The following NBAS variants were observed in gnomAD, a reference collection of about 807,000 sequenced individuals.
NBAS encodes NAG/BC035112 fusion.
NBAS carries 219 observed loss-of-function variants against 302.5 expected under a neutral mutation model. That is an observed-to-expected ratio of 0.72 (90% confidence interval 0.65 to 0.81). The LOEUF is 0.81. Ranked by LOEUF, NBAS falls within the 30% of genes least tolerant of loss-of-function variation. The pLI, the probability that NBAS is intolerant of heterozygous loss-of-function variation, is 0.00. For missense variants in NBAS, 2,932 were observed against 2,841.6 expected, an observed-to-expected ratio of 1.03 and a Z score of -0.72; for synonymous variants, 1,118 against 1,021.6, an observed-to-expected ratio of 1.09 and a Z score of -1.80.
intron 48 of NBAS, among the ~76,000 whole-genome samples, chr2:15,207,033 C>T (rs369321231): frequency 2.0e-5 from 3 of 152,148 alleles, no homozygotes; most frequent in Non-Finnish European, 4.4e-5. Context: ...GGTAGATTCA[C>T]CTACAGCTTG....
intron 25 of NBAS, among the ~76,000 whole-genome samples, chr2:15,414,418 C>A (rs1000980283): frequency 6.6e-6 from 1 of 152,194 alleles, no homozygotes; most frequent in Admixed American, 6.5e-5. Flanking sequence ...TCAGCGCCTT[C>A]TGTGGCTCTG....
chr2:15,473,114 G>A, intron 16 of NBAS, 108 bp downstream of exon 16: 2 of 1,249,438 alleles, frequency 1.6e-6, no homozygotes, highest in East Asian at 2.5e-5. Flanking sequence ...TTCATTGGCT[G>A]TATTATAGAA....
the NBAS span, among the ~76,000 whole-genome samples, chr2:14,922,663 C>A: frequency 6.6e-6 from 1 of 152,184 alleles, no homozygotes; most frequent in Non-Finnish European, 1.5e-5. Context: ...GACCCTATCA[C>A]CAAATACAGT....
At chr2:15,494,660 A>T (rs981690506) in intron 11 of NBAS, among the ~76,000 whole-genome samples, 1 of 152,288 alleles carries the variant, frequency 6.6e-6, no homozygotes. Flanking sequence ...CTCCATCCAC[A>T]TTATATAAAT....
the NBAS span, among the ~76,000 whole-genome samples, chr2:15,090,781 T>C: frequency 1.3e-5 from 2 of 152,188 alleles, no homozygotes; most frequent in Admixed American, 6.5e-5. Flanking sequence ...AGGTCTTTAT[T>C]TGAAAGCTCT....
chr2:15,277,054 A>G lies in NBAS; in HGVS notation c.5186T>C (p.Phe1729Ser). The change falls in exon 43 of 52, where the codon TTT (phenylalanine) becomes TCT (serine). Residue 1729 changes from phenylalanine (F) to serine (S), a missense_variant. Coordinates refer to ENST00000281513, the MANE Select transcript of NBAS (RefSeq NM_015909.4). ...IENRAQDLHL[F>S]ETLKTDPEAF... ...TTCTGGATCAGTCTTCAAAGTCTCA[A>G]AGAGATGAAGGTCTTGGGCTCTATT... 6.2e-7 allele frequency: 1 copy of G among 1,613,802 alleles called. No individual in the cohort carries two copies. The highest frequency in any genetic ancestry group is 8.5e-7 in the Non-Finnish European group (1 of 1,179,892).
intron 21 of NBAS, among the ~76,000 whole-genome samples, chr2:15,443,002 C>T (rs1678516145): frequency 6.6e-6 from 1 of 151,982 alleles, no homozygotes; most frequent in South Asian, 2.1e-4. Context: ...GAAATTGTGG[C>T]AATAATCAAT....
At chr2:14,812,128 C>T in the NBAS span, among the ~76,000 whole-genome samples, 1 of 152,198 alleles carries the variant, frequency 6.6e-6, no homozygotes, top group African/African-American at 2.4e-5. Context: ...GTACTAGCCA[C>T]TAGTGCATAG....
At chr2:15,338,652 C>T (rs940962690) in intron 35 of NBAS, among the ~76,000 whole-genome samples, 2 of 145,728 alleles carry the variant, frequency 1.4e-5, no homozygotes, top group African/African-American at 5.1e-5. Context: ...CATGTGCACT[C>T]ACATGAATAC....
At chr2:15,238,739 T>C in intron 44 of NBAS, 53 bp from the exon 45 acceptor site, 2 of 1,490,808 alleles carry the variant, frequency 1.3e-6, no homozygotes, top group Non-Finnish European at 1.8e-6. Context: ...ACCTATTGCA[T>C]ATTCAGCAAG....
chr2:15,163,532 G>A (rs950256065), downstream of NBAS, among the ~76,000 whole-genome samples: 3 of 152,156 alleles, frequency 2.0e-5, no homozygotes, highest in African/African-American at 7.2e-5. Flanking sequence ...CATTTTCCTT[G>A]GGTGATTCTG....
intron 43 of NBAS, 107 bp from the exon 44 acceptor site, chr2:15,275,925 T>C (rs1401076730): frequency 2.1e-6 from 2 of 965,226 alleles, no homozygotes; most frequent in South Asian, 1.4e-5. Context: ...CGCAAAGATC[T>C]ATCAACTTAG....
chr2:15,543,470 CG>C lies in NBAS; in HGVS notation c.380-4115del, dbSNP rs535835093. On this transcript the variant is annotated intron_variant, in intron 6 of 51. Coordinates refer to ENST00000281513, the MANE Select transcript of NBAS (RefSeq NM_015909.4). ...CATACATTTGTTTGTTATATCAGTC[CG>C]TTTTCATGCTGTTGATAAGACATAT... Among the ~76,000 whole-genome samples, 58 of 152,256 alleles carry C rather than the reference CG, an allele frequency of 3.8e-4. No homozygotes were observed. In the East Asian group the frequency reaches 0.011, roughly 29 times the overall value.
intron 40 of NBAS, among the ~76,000 whole-genome samples, chr2:15,295,109 T>C (rs1036847826): frequency 9.9e-5 from 15 of 152,240 alleles, no homozygotes; most frequent in African/African-American, 3.6e-4. Flanking sequence ...ATACATGTAC[T>C]GGCAGAGTGG....
the NBAS span, among the ~76,000 whole-genome samples, chr2:14,894,069 T>C: frequency 6.6e-6 from 1 of 152,236 alleles, no homozygotes; most frequent in South Asian, 2.1e-4. Flanking sequence ...AAGTCTTACT[T>C]AGGAGTATAT....
chr2:14,838,082 G>A, the NBAS span, among the ~76,000 whole-genome samples: 2 of 151,750 alleles, frequency 1.3e-5, no homozygotes, highest in Non-Finnish European at 2.9e-5. Flanking sequence ...TATTTTGCCT[G>A]CTTGAGTTTC....
At chr2:15,212,677 G>C (rs577452534) in intron 48 of NBAS, among the ~76,000 whole-genome samples, 2 of 152,228 alleles carry the variant, frequency 1.3e-5, no homozygotes, top group Admixed American at 6.5e-5. Context: ...CTGAAGCATG[G>C]GGGGAGTTTC....
intron 31 of NBAS, among the ~76,000 whole-genome samples, chr2:15,368,163 C>T (rs1674304697): frequency 7.3e-6 from 1 of 137,292 alleles, no homozygotes; most frequent in Non-Finnish European, 1.6e-5. Context: ...TTGCTAAATA[C>T]TTCAGTGTGT....
At chr2:15,102,301 A>G in the NBAS span, among the ~76,000 whole-genome samples, 1 of 152,208 alleles carries the variant, frequency 6.6e-6, no homozygotes, top group Non-Finnish European at 1.5e-5. Context: ...GACTATTACA[A>G]GAAGGTGGAA....
Sources: allele counts gnomAD v4.1 joint callset (sites outside exome capture counted in the v4.1 genomes callset), GRCh38; gene constraint gnomAD v4.1.1; transcripts MANE v1.5; gene names NCBI Gene and HGNC (gene_info 2026-07-23, HGNC 2026-07-21).